VPS13A: variants seen among roughly 807,000 people sequenced by gnomAD.
VPS13A encodes vacuolar protein sorting 13 homolog A, also known as intermembrane lipid transfer protein VPS13A.
A neutral mutation model predicts 390.9 loss-of-function variants in VPS13A; 264 were observed. The observed-to-expected ratio is 0.68, with a 90% confidence interval of 0.61 to 0.75. VPS13A has a LOEUF of 0.75. VPS13A is among the 30% of genes least tolerant of loss of function. VPS13A has a pLI of 0.00. For missense variants in VPS13A, 3,409 were observed against 3,733.9 expected (o/e 0.91, Z 2.27); for synonymous variants, 1,231 against 1,227.1 (o/e 1.00, Z -0.07).
intron 48 of VPS13A, 36 bp downstream of exon 48, chr9:77,339,947 A>G: frequency 6.3e-7 from 1 of 1,598,884 alleles, no homozygotes; most frequent in South Asian, 1.1e-5. Context: ...CCTTGTCTTT[A>G]GCTACTTGTC....
rs1307857216 is a variant in VPS13A at position 77,402,950 on chromosome 9, T to TTAAC, written c.9190-283_9190-282insCTAA. On this transcript the variant is annotated intron_variant, in intron 68 of 71. Transcript: ENST00000360280. ...TTCCAATATAAAGTCACTGTAATAGTTAAATACCTCATTAGATTGAATTTA... is the reference window on the plus strand; with the variant it reads ...TTCCAATATAAAGTCACTGTAATAGTTAACTAAATACCTCATTAGATTGAATTTA... Among the ~76,000 whole-genome samples, 4 of 152,344 alleles carry TTAAC rather than the reference T, an allele frequency of 2.6e-5. No individual in the cohort carries two copies. The East Asian group carries it at 7.7e-4, about 29-fold the overall frequency.
chr9:77,191,688 G>A (rs1324100814), intron 1 of VPS13A, among the ~76,000 whole-genome samples: 1 of 152,114 alleles, frequency 6.6e-6, no homozygotes, highest in Non-Finnish European at 1.5e-5. Context: ...GAATTGTATG[G>A]TTTTGAGAGA....
At chr9:77,306,804 G>A (rs1354095942) in intron 34 of VPS13A, among the ~76,000 whole-genome samples, 1 of 152,096 alleles carries the variant, frequency 6.6e-6, no homozygotes, top group African/African-American at 2.4e-5. Flanking sequence ...TACTGTGACT[G>A]AGCCAAAGTG....
intron 13 of VPS13A, among the ~76,000 whole-genome samples, chr9:77,224,146 A>G (rs1451669383): frequency 6.6e-6 from 1 of 152,186 alleles, no homozygotes; most frequent in Non-Finnish European, 1.5e-5. Flanking sequence ...TTTTTTTCAA[A>G]ATATTATTGC....
At chr9:77,264,128 C>T (rs1451107983) in intron 23 of VPS13A, among the ~76,000 whole-genome samples, 1 of 152,100 alleles carries the variant, frequency 6.6e-6, no homozygotes, top group Non-Finnish European at 1.5e-5. Flanking sequence ...ATTTCTGAGG[C>T]CCCTGTTCTG....
chr9:77,282,373 T>A, intron 29 of VPS13A, 99 bp downstream of exon 29: 1 of 1,141,568 alleles, frequency 8.8e-7, no homozygotes, highest in Non-Finnish European at 1.2e-6. Flanking sequence ...AAATATTGGC[T>A]TCAGAATTCT....
chr9:77,247,340 A>G lies in VPS13A; in HGVS notation c.1982A>G (p.Asp661Gly), dbSNP rs1185278278. 3.1e-6 allele frequency: 5 copies of G among 1,612,546 alleles called. No homozygotes were observed. Among genetic ancestry groups the G allele is most frequent in the Admixed American group, 1.7e-5 (1 of 59,914 alleles). The stretch of plus-strand genomic sequence containing the variant: ...GCTTCATATATTATTGTCCCACAAG[A>G]TGGAATTTTTAGTCCTACATCAAAT... ...LKASYIIVPQ[D>G]GIFSPTSNLL... The change falls in exon 20 of 72, where the codon GAT (aspartate) becomes GGT (glycine). Residue 661 changes from aspartate (D) to glycine (G), a missense_variant. By Grantham distance (94) the Asp-to-Gly change is moderately conservative. Transcript: ENST00000360280.
At position 77,203,897 on chromosome 9, in the gene VPS13A, G is replaced by C. The variant is rs541995950; in HGVS notation, c.188-1416G>C. Among the ~76,000 whole-genome samples, 3 of 152,210 alleles carry C rather than the reference G, an allele frequency of 2.0e-5. No homozygotes were observed. The South Asian group carries it at 6.2e-4, about 32-fold the overall frequency. On this transcript the variant is annotated intron_variant, in intron 3 of 71. Transcript: ENST00000360280. ...AAAGTTATTCCTCTTTTAGAAATCA[G>C]ATAGTTTAGAGGCCGGGCAGGGTAG...
chr9:77,252,778 T>C (rs1233108201), intron 22 of VPS13A, among the ~76,000 whole-genome samples: 1 of 152,232 alleles, frequency 6.6e-6, no homozygotes, highest in African/African-American at 2.4e-5. Flanking sequence ...TCACTTAGCA[T>C]AATGTCTTCA....
chr9:77,281,018 A>T (rs1826992884), intron 27 of VPS13A, among the ~76,000 whole-genome samples: 2 of 152,186 alleles, frequency 1.3e-5, no homozygotes, highest in South Asian at 4.1e-4. Context: ...TGCTAAGCAA[A>T]ATAAGCCAAG....
intron 24 of VPS13A, among the ~76,000 whole-genome samples, chr9:77,273,984 A>G (rs1352783597): frequency 6.6e-6 from 1 of 152,180 alleles, no homozygotes; most frequent in Non-Finnish European, 1.5e-5. Flanking sequence ...CGAGTGGCGT[A>G]TTTTGGTCTT....
At chr9:77,386,713 AT>A (rs1267179835) in intron 68 of VPS13A, among the ~76,000 whole-genome samples, 9 of 139,668 alleles carry the variant, frequency 6.4e-5, no homozygotes, top group African/African-American at 5.3e-5. Context: ...TTTTTTTTTA[AT>A]TTTTTTTTTT....
At chr9:77,378,025 T>G (rs1833201892) in intron 67 of VPS13A, among the ~76,000 whole-genome samples, 1 of 152,224 alleles carries the variant, frequency 6.6e-6, no homozygotes, top group South Asian at 2.1e-4. Flanking sequence ...TTGGACATAA[T>G]GTGTAATCGT....
chr9:77,298,863 T>C (rs1828167653), intron 33 of VPS13A, among the ~76,000 whole-genome samples: 1 of 152,162 alleles, frequency 6.6e-6, no homozygotes, highest in African/African-American at 2.4e-5. Context: ...GGGAAACCCC[T>C]TTGACTTGGC....
chr9:77,206,096 A>C lies in VPS13A; in HGVS notation c.385+17A>C. The C allele has an allele frequency of 6.7e-7, 1 of 1,486,720 alleles. No individual in the cohort carries two copies. The highest frequency in any genetic ancestry group is 9.2e-7 in the Non-Finnish European group (1 of 1,085,780). The allele number at this position is 1,486,720 out of a possible 1,614,324, so 92.1% of individuals were successfully genotyped here. On this transcript the variant is annotated intron_variant, in intron 5 of 71. Coordinates refer to ENST00000360280, the MANE Select transcript of VPS13A (RefSeq NM_033305.3). ...TTGATCAAGGTAAAGAAAACAGTAA[A>C]TAACAATGCTAATAAGAGAAGTAGA... is the stretch of plus-strand genomic sequence containing the variant.
chr9:77,178,540 C>T (rs1339923793), intron 1 of VPS13A, among the ~76,000 whole-genome samples: 2 of 152,142 alleles, frequency 1.3e-5, no homozygotes, highest in African/African-American at 4.8e-5. Flanking sequence ...AGTGAATTGC[C>T]GAATTTTAAA....
intron 3 of VPS13A, among the ~76,000 whole-genome samples, chr9:77,204,933 C>T (rs1385353779): frequency 6.6e-6 from 1 of 152,080 alleles, no homozygotes; most frequent in Non-Finnish European, 1.5e-5. Flanking sequence ...CTGGCCTAAT[C>T]TACCATCTTA....
At chr9:77,310,950 G>C (rs184951521) in intron 35 of VPS13A, among the ~76,000 whole-genome samples, 3,454 of 150,594 alleles carry the variant, frequency 0.023, 106 homozygotes, top group East Asian at 0.12. Context: ...TTTTGAGACA[G>C]AGTCTCGCTA....
At position 77,349,945 on chromosome 9, in the gene VPS13A, A is replaced by G. The variant is rs973815540; in HGVS notation, c.7290-1372A>G. 2.6e-5 allele frequency among the ~76,000 whole-genome samples: 4 copies of G among 152,110 alleles called. No homozygotes were observed. In the East Asian group the frequency reaches 7.7e-4, roughly 29 times the overall value. On this transcript the variant is annotated intron_variant, in intron 52 of 71. Coordinates refer to ENST00000360280, the MANE Select transcript of VPS13A (RefSeq NM_033305.3). The stretch of plus-strand genomic sequence containing the variant: ...AGGCATGAACCACCGCGCCCAGCCC[A>G]GTTTATCTTCTAATAACGATCCTCA...
Sources: allele counts gnomAD v4.1 joint callset (sites outside exome capture counted in the v4.1 genomes callset), GRCh38; gene constraint gnomAD v4.1.1; transcripts MANE v1.5; gene names NCBI Gene and HGNC (gene_info 2026-07-23, HGNC 2026-07-21).